The following FRK variants were observed in gnomAD, a reference collection of about 807,000 sequenced individuals.
FRK encodes tyrosine-protein kinase FRK.
A neutral mutation model predicts 56.4 loss-of-function variants in FRK; 51 were observed. That is an observed-to-expected ratio of 0.90 (90% CI 0.72 to 1.14). The LOEUF (loss-of-function observed/expected upper bound fraction) is 1.14, where lower values mean the gene tolerates loss of function less well. Ranked by LOEUF, FRK falls within the 50% of genes most tolerant of loss-of-function variation. FRK has a pLI of 0.00. For missense variants in FRK, 570 were observed against 601.4 expected, an observed-to-expected ratio of 0.95 and a Z score of 0.55; for synonymous variants, 245 against 217.9, an observed-to-expected ratio of 1.12 and a Z score of -1.10.
chr6:116,021,150 A>T (rs992412013), intron 1 of FRK, among the ~76,000 whole-genome samples: 9 of 151,832 alleles, frequency 5.9e-5, no homozygotes, highest in African/African-American at 2.2e-4. Flanking sequence ...TTGAAAAAAT[A>T]AATATTTATG....
chr6:116,084,462 T>C, the FRK span, among the ~76,000 whole-genome samples: 3 of 152,172 alleles, frequency 2.0e-5, no homozygotes, highest in Non-Finnish European at 4.4e-5. Flanking sequence ...TTTGCTCACA[T>C]GTCTGGCAGA....
At chr6:115,989,264 A>G (rs762467556) in intron 2 of FRK, among the ~76,000 whole-genome samples, 1 of 151,938 alleles carries the variant, frequency 6.6e-6, no homozygotes, top group Non-Finnish European at 1.5e-5. Flanking sequence ...AAAGTGCATC[A>G]CAGAAAACAA....
the FRK span, among the ~76,000 whole-genome samples, chr6:116,087,254 T>C: frequency 1.3e-5 from 2 of 152,212 alleles, no homozygotes; most frequent in African/African-American, 4.8e-5. Context: ...CAGTATATTC[T>C]CAATAAACAT....
chr6:116,024,031 T>C (rs984729624), intron 1 of FRK, among the ~76,000 whole-genome samples: 2 of 150,574 alleles, frequency 1.3e-5, no homozygotes, highest in Non-Finnish European at 3.0e-5. Context: ...ACAGTTTGTG[T>C]CTGCTGCTAT....
chr6:115,943,223 A>ATT lies in FRK; in HGVS notation c.1141-40_1141-39dup, dbSNP rs11330350. 2,072 of 1,216,194 alleles carry ATT rather than the reference A, an allele frequency of 1.7e-3. 12 individuals are homozygous for ATT. The African/African-American group carries it at 0.019, about 11-fold the overall frequency. 75.3% of individuals were successfully genotyped at this position (1,216,194 alleles called of 1,614,324 possible). The stretch of plus-strand genomic sequence containing the variant: ...TAAGGAATCAGGCCGAGTTAAAGCA[A>ATT]TTTTTTTTTTTTTGCTAACCTCATT... On this transcript the variant is annotated intron_variant, in intron 6 of 7. Coordinates refer to ENST00000606080, the MANE Select transcript of FRK (RefSeq NM_002031.3).
chr6:115,944,455 A>G (rs777703332), intron 5 of FRK, 30 bp from the exon 6 acceptor site: 2 of 1,531,242 alleles, frequency 1.3e-6, no homozygotes, highest in African/African-American at 1.4e-5. Context: ...TAAGAAAGTT[A>G]CCTTAGAGAA....
At position 116,000,223 on chromosome 6, in the gene FRK, C is replaced by CTTTTTTTTTT. The variant is rs561273499; in HGVS notation, c.466+3644_466+3653dup. Among the ~76,000 whole-genome samples, 276 of 53,034 alleles carry CTTTTTTTTTT rather than the reference C, an allele frequency of 5.2e-3. 43 individuals are homozygous for CTTTTTTTTTT. The highest frequency in any genetic ancestry group is 8.9e-3 in the African/African-American group (99 of 11,084). The allele number at this position is 53,034 out of a possible 152,430, so 34.8% of individuals were successfully genotyped here. On this transcript the variant is annotated intron_variant, in intron 2 of 7. Transcript: ENST00000606080. ...TTTCCTCATGAAAATATCATTCTTT[C>CTTTTTTTTTT]TTTTTTTTTTTTTTTTTTTTTTTTT...
the FRK span, among the ~76,000 whole-genome samples, chr6:116,076,241 C>G: frequency 1.3e-5 from 2 of 152,064 alleles, no homozygotes; most frequent in Admixed American, 1.3e-4. Flanking sequence ...TTTTTTCTTA[C>G]AGTATGTTAT....
At chr6:116,061,434 G>A (rs868578529), upstream of FRK, among the ~76,000 whole-genome samples, 4 of 120,960 alleles carry the variant, frequency 3.3e-5, no homozygotes, top group African/African-American at 9.9e-5. Flanking sequence ...ACACACACAC[G>A]CTACACACCA....
intron 2 of FRK, among the ~76,000 whole-genome samples, chr6:115,973,872 GAA>G (rs34745163): frequency 6.9e-4 from 95 of 137,596 alleles, no homozygotes; most frequent in Non-Finnish European, 7.0e-4. Context: ...CACAGTCTCA[GAA>G]AAAAAAAAAA....
chr6:115,942,968 C>T (rs1484168413), intron 7 of FRK, 52 bp downstream of exon 7: 5 of 1,562,516 alleles, frequency 3.2e-6, no homozygotes, highest in Non-Finnish European at 4.3e-6. Flanking sequence ...TAAAATCACA[C>T]CTAAGTAAGT....
In FRK at chr6:116,038,893, C is replaced by G. The variant is rs1343618799; in HGVS notation, c.344+21075G>C. On this transcript the variant is annotated intron_variant, in intron 1 of 7. Transcript: ENST00000606080. ...AGGTGGTTTGCACTCTCCCCACTGC[C>G]TATACCGACTTTGCCCCAGAAGCTA... 2.1e-5 allele frequency: 12 copies of G among 585,018 alleles called. No homozygotes were observed. In the African/African-American group the frequency reaches 2.2e-4, roughly 11 times the overall value. The allele number at this position is 585,018 out of a possible 1,614,324, so 36.2% of individuals were successfully genotyped here.
chr6:115,966,348 A>T (rs1773575235), intron 4 of FRK, among the ~76,000 whole-genome samples: 1 of 152,242 alleles, frequency 6.6e-6, no homozygotes, highest in Admixed American at 6.5e-5. Flanking sequence ...CTTCACAAAG[A>T]TATGATGTCA....
chr6:116,018,477 G>T (rs1400037294), intron 1 of FRK, among the ~76,000 whole-genome samples: 1 of 152,122 alleles, frequency 6.6e-6, no homozygotes, highest in African/African-American at 2.4e-5. Flanking sequence ...AGGGTGAAAG[G>T]CAGAGTCCTT....
chr6:116,013,122 A>T (rs1274186972), intron 1 of FRK, among the ~76,000 whole-genome samples: 1 of 152,072 alleles, frequency 6.6e-6, no homozygotes, highest in Non-Finnish European at 1.5e-5. Context: ...ATTTTGAAGG[A>T]ATTTCTTTAG....
the FRK span, among the ~76,000 whole-genome samples, chr6:116,065,917 A>G: frequency 6.6e-6 from 1 of 152,176 alleles, no homozygotes; most frequent in African/African-American, 2.4e-5. Context: ...TGTTTCCCCA[A>G]GCATATTGCC....
At chr6:116,013,473 T>G (rs1023440914) in intron 1 of FRK, among the ~76,000 whole-genome samples, 1 of 152,188 alleles carries the variant, frequency 6.6e-6, no homozygotes, top group Non-Finnish European at 1.5e-5. Flanking sequence ...TGCTTTGATT[T>G]TGTACAACAT....
chr6:116,033,583 T>C (rs1312798155), intron 1 of FRK, among the ~76,000 whole-genome samples: 1 of 152,062 alleles, frequency 6.6e-6, no homozygotes, highest in Non-Finnish European at 1.5e-5. Context: ...TTCTGCCTCA[T>C]AAAAGTCCTG....
chr6:116,047,496 C>T (rs1777013661), intron 1 of FRK, among the ~76,000 whole-genome samples: 2 of 31,632 alleles, frequency 6.3e-5, no homozygotes, highest in South Asian at 1.0e-3. Context: ...ATTCTCCTGC[C>T]TCAGTCTCCC....
Sources: gnomAD v4.1 joint callset for allele counts (sites outside exome capture counted in the v4.1 genomes callset) on GRCh38, gnomAD v4.1.1 for gene constraint, MANE v1.5 for transcripts, NCBI Gene and HGNC (gene_info 2026-07-23, HGNC 2026-07-21) for gene names.